Variants in DNAH8 observed in about 807,000 individuals in gnomAD.
The protein encoded by DNAH8 is dynein axonemal heavy chain 8.
A neutral mutation model predicts 562.1 loss-of-function variants in DNAH8; 382 were observed. That is an observed-to-expected ratio of 0.68 (90% confidence interval 0.63 to 0.74). The LOEUF (loss-of-function observed/expected upper bound fraction) is 0.74. Ranked by LOEUF, DNAH8 falls within the 30% of genes least tolerant of loss-of-function variation. The probability of loss-of-function intolerance (pLI) is 0.00; values close to 1 mark genes in which losing one functional copy is unlikely to be tolerated. For missense variants in DNAH8, 5,203 were observed against 5,620.4 expected (o/e 0.93, Z 2.37); for synonymous variants, 1,881 against 1,919.4 (o/e 0.98, Z 0.52).
At chr6:38,731,871 C>T (rs1349019290) in intron 4 of DNAH8, among the ~76,000 whole-genome samples, 6 of 152,064 alleles carry the variant, frequency 3.9e-5, no homozygotes, top group Non-Finnish European at 8.8e-5. Flanking sequence ...CACACCACTG[C>T]GCCCAGCTAA....
rs1764174468 is a variant in DNAH8, at chr6:38,737,257, G to GT, written c.952+2dup. On this transcript the variant is annotated splice_donor_variant, in intron 6 of 92. Transcript: ENST00000327475. LOFTEE classifies it high-confidence loss of function. The stretch of plus-strand genomic sequence containing the variant: ...AACAGATATCTTTCATTTTTAGATG[G>GT]TAAGTATAAAATTTAATGTTTAGCA... 7.0e-7 allele frequency: 1 copy of GT among 1,420,670 alleles called. No homozygotes were observed. Among genetic ancestry groups the GT allele is most frequent in the Middle Eastern group, 1.9e-4 (1 of 5,340 alleles). 88.0% of individuals were successfully genotyped at this position (1,420,670 alleles called of 1,614,324 possible). A position where few individuals can be genotyped will look rare whatever the true frequency, so the allele number is the denominator to read the frequency against.
At chr6:38,845,885 GGTATTATCTT>G in intron 36 of DNAH8, 112 bp downstream of exon 36, 1 of 891,552 alleles carries the variant, frequency 1.1e-6, no homozygotes, top group Non-Finnish European at 1.7e-6. Context: ...CACTAAATTT[GGTATTATCTT>G]GTCTGTTCCT....
Position 38,723,032 on chromosome 6 carries a change from G to A in DNAH8, c.223G>A (p.Asp75Asn), listed in dbSNP as rs749701046. Residue 75 changes from aspartate (D) to asparagine (N), a missense_variant, in exon 2 of 93, where the codon GAT (aspartate) becomes AAT (asparagine). Physicochemically the swap from Asp to Asn is conservative, Grantham distance 23. Around this residue, in one of 6 missense-constraint regions of DNAH8, gnomAD observed 556 missense variants for 496.9 expected, o/e 1.12. Coordinates refer to ENST00000327475, the MANE Select transcript of DNAH8 (RefSeq NM_001206927.2). ...TTCTGAAGAAGGGATAGTTCTTCCA[G>A]ATGATCATGAAGCGGATCTGAATAG... Reference protein sequence around the residue: ...IPSEEGIVLPDDHEADLNRVR... With the variant: ...IPSEEGIVLPNDHEADLNRVR... 3 of 1,612,938 alleles carry A rather than the reference G, an allele frequency of 1.9e-6. No homozygotes were observed. Among genetic ancestry groups the A allele is most frequent in the South Asian group, 2.2e-5 (2 of 91,088 alleles).
chr6:38,779,312 C>T (rs1302785029), intron 14 of DNAH8, among the ~76,000 whole-genome samples: 1 of 152,150 alleles, frequency 6.6e-6, no homozygotes, highest in Non-Finnish European at 1.5e-5. Context: ...TGACATGTGA[C>T]AGTACTGCAC....
chr6:38,764,764 C>G (rs1007189107), intron 11 of DNAH8: 1 of 151,786 alleles, frequency 6.6e-6, no homozygotes, highest in Non-Finnish European at 1.5e-5. Flanking sequence ...TGCTAAGCAC[C>G]TTTTCAAATG....
At chr6:38,941,437 T>C (rs1783448019) in intron 79 of DNAH8, among the ~76,000 whole-genome samples, 1 of 152,208 alleles carries the variant, frequency 6.6e-6, no homozygotes, top group African/African-American at 2.4e-5. Context: ...CTTTGTGCCT[T>C]TTTCATGAAC....
chr6:38,837,243 G>A (rs1210301597), intron 32 of DNAH8, among the ~76,000 whole-genome samples: 1 of 152,118 alleles, frequency 6.6e-6, no homozygotes, highest in African/African-American at 2.4e-5. Flanking sequence ...TAAGCCTTGT[G>A]AGGTCTGATG....
chr6:38,841,784 C>T (rs1293888869), intron 33 of DNAH8, among the ~76,000 whole-genome samples: 1 of 151,852 alleles, frequency 6.6e-6, no homozygotes, highest in Non-Finnish European at 1.5e-5. Flanking sequence ...GTGGTGCAAT[C>T]ATAGCTCACT....
chr6:38,762,983 G>A (rs923426344), intron 11 of DNAH8: 4 of 375,354 alleles, frequency 1.1e-5, no homozygotes, highest in Admixed American at 1.0e-4. Flanking sequence ...GGATCATTAT[G>A]CAGTTCTTGG....
At chr6:38,861,864 C>T (rs912609548) in intron 43 of DNAH8, among the ~76,000 whole-genome samples, 2 of 151,858 alleles carry the variant, frequency 1.3e-5, no homozygotes, top group African/African-American at 2.4e-5. Flanking sequence ...CATTTTGCCC[C>T]GACTTTGTGA....
At position 38,912,806 on chromosome 6, in the gene DNAH8, C is replaced by CT. The variant is rs559189342; in HGVS notation, c.9860-1032dup. ...AAACTCATCCCTTCTTAGTTTTACT[C>CT]TTTTTTTTTTTCTTTTTCTTTGAGA... is the stretch of plus-strand genomic sequence containing the variant. On this transcript the variant is annotated intron_variant, in intron 66 of 92. Coordinates refer to ENST00000327475, the MANE Select transcript of DNAH8 (RefSeq NM_001206927.2). Among the ~76,000 whole-genome samples, 1,878 of 147,436 alleles carry CT rather than the reference C, an allele frequency of 0.013. 91 individuals are homozygous for CT. The East Asian group carries it at 0.15, about 12-fold the overall frequency.
At chr6:38,749,900 C>T (rs190380256) in intron 8 of DNAH8, among the ~76,000 whole-genome samples, 8 of 152,254 alleles carry the variant, frequency 5.3e-5, no homozygotes, top group Admixed American at 3.3e-4. Context: ...GGCGCGATCT[C>T]TGGCTCACTG....
chr6:38,823,440 A>G (rs1773052429), intron 27 of DNAH8, 122 bp from the exon 28 acceptor site: 1 of 705,998 alleles, frequency 1.4e-6, no homozygotes, highest in African/African-American at 1.8e-5. Flanking sequence ...TTTCTTACCC[A>G]GCCACTGGCC....
At chr6:38,972,800 AC>A (rs1384133908) in intron 83 of DNAH8, among the ~76,000 whole-genome samples, 1 of 152,158 alleles carries the variant, frequency 6.6e-6, no homozygotes, top group African/African-American at 2.4e-5. Context: ...AGAGTGGGGA[AC>A]CAGAAAGTAA....
At chr6:38,973,571 A>G (rs993547875) in intron 83 of DNAH8, 90 bp from the exon 84 acceptor site, 6 of 1,023,860 alleles carry the variant, frequency 5.9e-6, no homozygotes, top group Admixed American at 3.0e-5. Context: ...GAGTATTCAC[A>G]TGGTTTTTAA....
Position 38,853,462 on chromosome 6 carries a change from G to A in DNAH8, c.5733+115G>A, listed in dbSNP as rs975178653. ...GCAATTGTAGCTTTGAATTAGGTTAGAGTGGCCTACTCACACTCATTTTAG... is the reference window on the plus strand; with the variant it reads ...GCAATTGTAGCTTTGAATTAGGTTAAAGTGGCCTACTCACACTCATTTTAG... On this transcript the variant is annotated intron_variant, in intron 41 of 92. Transcript: ENST00000327475. 6.0e-6 allele frequency: 7 copies of A among 1,166,816 alleles called. No homozygotes were observed. In the African/African-American group the frequency reaches 7.9e-5, roughly 13 times the overall value. 72.3% of individuals were successfully genotyped at this position (1,166,816 alleles called of 1,614,324 possible). A position where few individuals can be genotyped will look rare whatever the true frequency, so the allele number is the denominator to read the frequency against.
At chr6:38,890,552 AC>A in intron 57 of DNAH8, 99 bp from the exon 58 acceptor site, 1 of 846,684 alleles carries the variant, frequency 1.2e-6, no homozygotes, top group South Asian at 1.6e-5. Flanking sequence ...TCTGAACAAC[AC>A]CCAGCTTAGT....
intron 11 of DNAH8, among the ~76,000 whole-genome samples, chr6:38,769,515 T>C (rs867207296): frequency 1.3e-5 from 2 of 152,320 alleles, no homozygotes; most frequent in Non-Finnish European, 1.5e-5. Context: ...GGAATCACTA[T>C]AGGAGAGCTA....
intron 66 of DNAH8, among the ~76,000 whole-genome samples, chr6:38,912,538 A>G (rs1473283378): frequency 1.3e-5 from 2 of 152,182 alleles, no homozygotes; most frequent in Non-Finnish European, 2.9e-5. Flanking sequence ...CATAGTTATG[A>G]GAGAAGACTG....
Sources: gnomAD v4.1 joint callset for allele counts (sites outside exome capture counted in the v4.1 genomes callset) on GRCh38, gnomAD v4.1.1 for gene constraint, gnomAD v4.1.1 regional missense constraint, MANE v1.5 for transcripts, NCBI Gene and HGNC (gene_info 2026-07-23, HGNC 2026-07-21) for gene names.